MACROD2: variants seen among roughly 807,000 people sequenced by gnomAD.
MACROD2 encodes the protein mono-ADP ribosylhydrolase 2, also known as ADP-ribose glycohydrolase MACROD2.
Under a neutral mutation model 70.4 loss-of-function variants are expected in MACROD2, and 36 were observed. That is an observed-to-expected ratio of 0.51 (90% confidence interval 0.39 to 0.68). The LOEUF (loss-of-function observed/expected upper bound fraction) is 0.68, where lower values mean the gene tolerates loss of function less well. Among genes scored for constraint, MACROD2 ranks in the 30% least tolerant of loss-of-function variants. The pLI, the probability that MACROD2 is intolerant of heterozygous loss-of-function variation, is 0.00. For missense variants in MACROD2, 496 were observed against 538.4 expected (o/e 0.92, Z 0.78); for synonymous variants, 172 against 178.8 (o/e 0.96, Z 0.30).
intron 3 of MACROD2, among the ~76,000 whole-genome samples, chr20:14,241,721 G>A (rs1330312696): frequency 6.6e-6 from 1 of 152,058 alleles, no homozygotes; most frequent in Non-Finnish European, 1.5e-5. Context: ...TGTTAGAACT[G>A]GCTAGTGAGT....
At chr20:15,895,880 T>C (rs1390897806) in intron 10 of MACROD2, among the ~76,000 whole-genome samples, 1 of 152,220 alleles carries the variant, frequency 6.6e-6, no homozygotes, top group African/African-American at 2.4e-5. Flanking sequence ...ATTCTCAGGA[T>C]ATGGTTAAGT....
Position 15,867,259 on chromosome 20 carries a change from T to C in MACROD2, c.727+4433T>C, listed in dbSNP as rs952373419. 1.5e-4 allele frequency among the ~76,000 whole-genome samples: 23 copies of C among 152,194 alleles called. 1 individual carries two copies. Among genetic ancestry groups the C allele is most frequent in the Admixed American group, 3.3e-4 (5 of 15,272 alleles). ...CCAAATACAGTCATATTCTAAGATA[T>C]GAGGGTTAGGCCTTCAACATAAAAA... On this transcript the variant is annotated intron_variant, in intron 9 of 17. Transcript: ENST00000684519.
At chr20:14,132,275 T>C (rs1212417735) in intron 3 of MACROD2, among the ~76,000 whole-genome samples, 2 of 152,130 alleles carry the variant, frequency 1.3e-5, no homozygotes, top group Non-Finnish European at 2.9e-5. Context: ...CTTGAACTGC[T>C]GGGCTCAAGC....
chr20:14,407,691 T>A (rs1482175442), intron 3 of MACROD2, among the ~76,000 whole-genome samples: 1 of 152,164 alleles, frequency 6.6e-6, no homozygotes, highest in Admixed American at 6.5e-5. Flanking sequence ...AAACTACCAA[T>A]GTCTTAGCTG....
At chr20:14,990,515 CTTT>C (rs541686087) in intron 5 of MACROD2, among the ~76,000 whole-genome samples, 1 of 129,338 alleles carries the variant, frequency 7.7e-6, no homozygotes, top group African/African-American at 2.9e-5. Context: ...TTTTCTTTTT[CTTT>C]TTTTTTTTTT....
intron 3 of MACROD2, among the ~76,000 whole-genome samples, chr20:14,265,922 G>T (rs186275090): frequency 2.0e-5 from 3 of 151,888 alleles, no homozygotes; most frequent in South Asian, 4.2e-4. Flanking sequence ...GACTACAGGC[G>T]CATGCCACCA....
intron 4 of MACROD2, among the ~76,000 whole-genome samples, chr20:14,499,994 A>G (rs2084898693): frequency 6.6e-6 from 1 of 152,192 alleles, no homozygotes; most frequent in African/African-American, 2.4e-5. Flanking sequence ...GAAACAGAAC[A>G]AAGGAAGTCA....
At chr20:14,275,537 A>T (rs766604264) in intron 3 of MACROD2, among the ~76,000 whole-genome samples, 2,282 of 151,662 alleles carry the variant, frequency 0.015, 31 homozygotes, top group Non-Finnish European at 0.019. Flanking sequence ...CCTAGAAGAA[A>T]ACCTAGGCAT....
At chr20:14,771,668 C>A (rs77148843) in intron 5 of MACROD2, among the ~76,000 whole-genome samples, 1 of 125,222 alleles carries the variant, frequency 8.0e-6, no homozygotes, top group African/African-American at 2.9e-5. Flanking sequence ...CACACACACA[C>A]ACATATATAT....
At chr20:14,542,471 C>G (rs1026888932) in intron 4 of MACROD2, among the ~76,000 whole-genome samples, 2 of 152,098 alleles carry the variant, frequency 1.3e-5, no homozygotes, top group Non-Finnish European at 2.9e-5. Flanking sequence ...GTTCTATGTA[C>G]TGAAGGAGTT....
chr20:14,430,369 G>A (rs529816860), intron 3 of MACROD2, among the ~76,000 whole-genome samples: 1 of 152,268 alleles, frequency 6.6e-6, no homozygotes, highest in Non-Finnish European at 1.5e-5. Context: ...GAACATCTAG[G>A]AGACGGTTCT....
chr20:15,251,158 G>A (rs2077152474), intron 6 of MACROD2, among the ~76,000 whole-genome samples: 1 of 152,178 alleles, frequency 6.6e-6, no homozygotes, highest in Non-Finnish European at 1.5e-5. Context: ...GTAGGGGTCA[G>A]ATGATCAAAA....
chr20:15,246,456 A>G lies in MACROD2; in HGVS notation c.540+16395A>G, dbSNP rs1396705921. 3.9e-5 allele frequency among the ~76,000 whole-genome samples: 6 copies of G among 152,220 alleles called. No individual in the cohort carries two copies. The South Asian group carries it at 6.2e-4, about 16-fold the overall frequency. ...AAGTTGACCTAGAAATCTGAAAACT[A>G]ATATTTGAGTTTTGGCCTTTCTAAT... is the stretch of plus-strand genomic sequence containing the variant. On this transcript the variant is annotated intron_variant, in intron 6 of 17. Transcript: ENST00000684519.
intron 5 of MACROD2, among the ~76,000 whole-genome samples, chr20:14,857,082 G>A (rs762030514): frequency 6.6e-6 from 1 of 152,058 alleles, no homozygotes; most frequent in Non-Finnish European, 1.5e-5. Context: ...TCCAAATCTT[G>A]TTATTTTCTC....
At chr20:14,832,930 G>A (rs1055582147) in intron 5 of MACROD2, among the ~76,000 whole-genome samples, 21 of 152,098 alleles carry the variant, frequency 1.4e-4, no homozygotes, top group African/African-American at 5.1e-4. Context: ...ACCCTCTGAA[G>A]AACCATGTAG....
chr20:15,279,412 G>C (rs2077423650), intron 6 of MACROD2, among the ~76,000 whole-genome samples: 1 of 152,196 alleles, frequency 6.6e-6, no homozygotes, highest in Non-Finnish European at 1.5e-5. Flanking sequence ...TCCCCAGGCT[G>C]AGAAGTTAGG....
intron 7 of MACROD2, among the ~76,000 whole-genome samples, chr20:15,484,859 G>A (rs1306571623): frequency 3.3e-5 from 5 of 152,102 alleles, no homozygotes; most frequent in East Asian, 1.9e-4. Flanking sequence ...TCCAGTACTC[G>A]TTCCTGCGGA....
intron 3 of MACROD2, among the ~76,000 whole-genome samples, chr20:14,106,671 G>C (rs986139607): frequency 2.0e-5 from 3 of 152,198 alleles, no homozygotes; most frequent in African/African-American, 7.2e-5. Flanking sequence ...TGTCCCAGTG[G>C]TGGTGGTCAC....
At chr20:14,663,765 G>A (rs2070705381) in intron 4 of MACROD2, among the ~76,000 whole-genome samples, 1 of 151,960 alleles carries the variant, frequency 6.6e-6, no homozygotes, top group African/African-American at 2.4e-5. Flanking sequence ...CGCATTAATT[G>A]TCACAATGTT....
Sources: allele counts gnomAD v4.1 joint callset (sites outside exome capture counted in the v4.1 genomes callset), GRCh38; gene constraint gnomAD v4.1.1; transcripts MANE v1.5; gene names NCBI Gene and HGNC (gene_info 2026-07-23, HGNC 2026-07-21).